Variants in COL5A1 observed in about 807,000 individuals in gnomAD.
The protein encoded by COL5A1 is collagen type V alpha 1 chain, also known as collagen alpha-1(V) chain.
A neutral mutation model predicts 263.7 loss-of-function variants in COL5A1; 16 were observed. That is an observed-to-expected ratio of 0.06 (90% CI 0.04 to 0.09). COL5A1 has a LOEUF of 0.09. Among genes scored for constraint, COL5A1 ranks in the 10% least tolerant of loss-of-function variants. The probability of loss-of-function intolerance (pLI) is 1.00; values close to 1 mark genes in which losing one functional copy is unlikely to be tolerated. For missense variants in COL5A1, 2,036 were observed against 2,540.5 expected, an observed-to-expected ratio of 0.80 and a Z score of 4.27; for synonymous variants, 1,012 against 1,004.5, an observed-to-expected ratio of 1.01 and a Z score of -0.14.
At position 134,818,116 on chromosome 9, in the gene COL5A1, C is replaced by T. The variant is rs1838835805; in HGVS notation, c.4230+285C>T. ...GCCCAAGGCTGAGTAGTTATGTCCC[C>T]CGGAGCCCTGCGACCTCATGCCTGG... On this transcript the variant is annotated intron_variant, in intron 54 of 65. Transcript: ENST00000371817. This position sits in a 1 kb window ranked among gnomAD's most constrained non-coding sequence, Gnocchi z 6.0. Among the ~76,000 whole-genome samples, 1 of 152,200 alleles carries T rather than the reference C, an allele frequency of 6.6e-6. No homozygotes were observed. Among genetic ancestry groups the T allele is most frequent in the African/African-American group, 2.4e-5 (1 of 41,450 alleles).
intron 1 of COL5A1, among the ~76,000 whole-genome samples, chr9:134,671,313 C>G (rs923937165): frequency 1.3e-5 from 2 of 152,264 alleles, no homozygotes; most frequent in Admixed American, 6.5e-5. Flanking sequence ...AGTCCTGCCC[C>G]CAGTGCACCA....
intron 28 of COL5A1, among the ~76,000 whole-genome samples, chr9:134,782,305 C>T (rs1014751997): frequency 3.9e-5 from 6 of 152,246 alleles, no homozygotes; most frequent in Admixed American, 6.5e-5. Context: ...CCCCTTTACC[C>T]GTCACTTCAG....
chr9:134,759,253 T>C (rs201900535), intron 18 of COL5A1, among the ~76,000 whole-genome samples: 18,639 of 138,268 alleles, frequency 0.13, 2,150 homozygotes, highest in African/African-American at 0.3. Context: ...ACCACACATG[T>C]GTGCGCGCAC....
chr9:134,812,610 C>T lies in COL5A1; in HGVS notation c.3750C>T (p.Pro1250=). 6.2e-7 allele frequency: 1 copy of T among 1,606,250 alleles called. No homozygotes were observed. The change falls in exon 48 of 66, where the codon CCC becomes CCT. Residue 1250 remains proline (P), a synonymous_variant. Coordinates refer to ENST00000371817, the MANE Select transcript of COL5A1 (RefSeq NM_000093.5). ...TGGTCTCTCCCTTTTCCTAGGGCCC[C>T]CCGGGTCCCCCTGGCCCCCGAGGAC... ...GETGDVGQMG[P]PGPPGPRGPS...
Position 134,756,018 on chromosome 9 carries a change from G to A in COL5A1, c.1828-747G>A, listed in dbSNP as rs143117801. 4.9e-3 allele frequency among the ~76,000 whole-genome samples: 752 copies of A among 152,194 alleles called. 7 individuals carry two copies. Among genetic ancestry groups the A allele is most frequent in the African/African-American group, 0.017 (715 of 41,560 alleles). ...TGCAGGGTGGCAGCCCTCTGTTCTC[G>A]CTGGCTGGGGTGCCTCATTGGCGTG... On this transcript the variant is annotated intron_variant, in intron 16 of 65. Transcript: ENST00000371817.
At chr9:134,807,540 G>A (rs529550636) in intron 42 of COL5A1, among the ~76,000 whole-genome samples, 2 of 152,256 alleles carry the variant, frequency 1.3e-5, no homozygotes, top group Admixed American at 6.5e-5. Flanking sequence ...TGATCTACCC[G>A]CCTCAGCCTC....
intron 59 of COL5A1, 139 bp downstream of exon 59, chr9:134,822,289 C>A: frequency 1.4e-6 from 1 of 713,712 alleles, no homozygotes; most frequent in Non-Finnish European, 2.4e-6. Context: ...GGTGGATTTG[C>A]CCATTAACTC....
intron 27 of COL5A1, among the ~76,000 whole-genome samples, chr9:134,778,409 C>T (rs542158028): frequency 1.3e-5 from 2 of 152,216 alleles, no homozygotes; most frequent in East Asian, 1.9e-4. Flanking sequence ...CTTGGCTGGT[C>T]GTTCCCACTC....
At position 134,823,049 on chromosome 9, in the gene COL5A1, C is replaced by T. The variant is rs376268793; in HGVS notation, c.4644+16C>T. On this transcript the variant is annotated intron_variant, in intron 60 of 65. Transcript: ENST00000371817. ...GGGCTCCTCGGTAAGTAACATGCTG[C>T]CCAGCCAGGCCAATGCCTGGAAGGT... 9.3e-6 allele frequency: 15 copies of T among 1,613,768 alleles called. No individual in the cohort carries two copies. The Admixed American group carries it at 1.3e-4, about 14-fold the overall frequency.
intron 17 of COL5A1, 113 bp downstream of exon 17, chr9:134,756,931 G>A (rs1835997636): frequency 1.9e-6 from 2 of 1,062,820 alleles, no homozygotes; most frequent in South Asian, 1.3e-5. Context: ...GATGACAGGT[G>A]GCTCCGTCAC....
At chr9:134,791,730 G>A (rs565240404) in intron 32 of COL5A1, among the ~76,000 whole-genome samples, 34 of 134,574 alleles carry the variant, frequency 2.5e-4, no homozygotes, top group Middle Eastern at 3.7e-3. Flanking sequence ...GCCCTTGGCC[G>A]CCCTTCTTTT....
rs770892219 is a variant in COL5A1, at chr9:134,810,355, G to A, written c.3528+47G>A. Reference sequence around the variant, plus strand: ...CGCGGCAGCCCCCAGGTCCCGGGGGGCCTCGTCGCAGGCTGTAGGCCGTGT... The same window carrying A: ...CGCGGCAGCCCCCAGGTCCCGGGGGACCTCGTCGCAGGCTGTAGGCCGTGT... On this transcript the variant is annotated intron_variant, in intron 44 of 65. Transcript: ENST00000371817. The A allele has an allele frequency of 2.3e-5, 37 of 1,582,782 alleles. No homozygotes were observed. In the East Asian group the frequency reaches 2.5e-4, roughly 11 times the overall value.
At chr9:134,693,668 C>T (rs368025375) in intron 2 of COL5A1, among the ~76,000 whole-genome samples, 2 of 152,284 alleles carry the variant, frequency 1.3e-5, no homozygotes. Flanking sequence ...TTTGAATTGA[C>T]GCCATACCCC....
intron 37 of COL5A1, among the ~76,000 whole-genome samples, chr9:134,799,672 A>G (rs531189572): frequency 3.3e-5 from 5 of 152,330 alleles, no homozygotes; most frequent in African/African-American, 9.6e-5. Flanking sequence ...GTTCATCGTG[A>G]TGAAACCTCT....
At chr9:134,761,668 C>A (rs1205631057) in intron 18 of COL5A1, among the ~76,000 whole-genome samples, 1 of 152,228 alleles carries the variant, frequency 6.6e-6, no homozygotes, top group Non-Finnish European at 1.5e-5. Context: ...TGTGGCCCTG[C>A]CTTGCGCTGC....
chr9:134,839,964 G>A (rs1212538764), intron 65 of COL5A1, among the ~76,000 whole-genome samples: 1 of 152,258 alleles, frequency 6.6e-6, no homozygotes, highest in Non-Finnish European at 1.5e-5. Flanking sequence ...GCCACAGGGT[G>A]CCGTCTGCCC....
intron 1 of COL5A1, among the ~76,000 whole-genome samples, chr9:134,648,225 A>G (rs1474626214): frequency 6.6e-6 from 1 of 151,716 alleles, no homozygotes; most frequent in Non-Finnish European, 1.5e-5. Context: ...CTTGCTGCTC[A>G]GCTTGCAGAC....
chr9:134,734,532 C>T (rs569469772), intron 9 of COL5A1, among the ~76,000 whole-genome samples: 1 of 152,372 alleles, frequency 6.6e-6, no homozygotes, highest in East Asian at 1.9e-4. Flanking sequence ...GGCGTCCCGG[C>T]CTGTGGAAGG....
At chr9:134,760,898 CAT>C in intron 18 of COL5A1, among the ~76,000 whole-genome samples, 1 of 150,066 alleles carries the variant, frequency 6.7e-6, no homozygotes, top group East Asian at 2.0e-4. Flanking sequence ...CCCACACACG[CAT>C]ACACACATGC....
Sources: allele counts gnomAD v4.1 joint callset (sites outside exome capture counted in the v4.1 genomes callset), GRCh38; gene constraint gnomAD v4.1.1; non-coding constraint Gnocchi (gnomAD v3.1); transcripts MANE v1.5; gene names NCBI Gene and HGNC (gene_info 2026-07-23, HGNC 2026-07-21).